The following CDH12 variants were observed in gnomAD, a reference collection of about 807,000 sequenced individuals.
CDH12 encodes cadherin 12.
Under a neutral mutation model 74.1 loss-of-function variants are expected in CDH12, and 41 were observed. The ratio of observed to expected loss-of-function variants is 0.55; its 90% CI spans 0.43 to 0.72. CDH12 has a LOEUF of 0.72. Among genes scored for constraint, CDH12 ranks in the 30% least tolerant of loss-of-function variants. CDH12 has a pLI of 0.00. For synonymous variants in CDH12, 399 were observed against 355.0 expected, an observed-to-expected ratio of 1.12 and a Z score of -1.39; for missense variants, 945 against 977.2, an observed-to-expected ratio of 0.97 and a Z score of 0.44.
intron 4 of CDH12, among the ~76,000 whole-genome samples, chr5:22,174,963 T>G (rs930105417): frequency 6.6e-6 from 1 of 152,002 alleles, no homozygotes; most frequent in Admixed American, 6.6e-5. Flanking sequence ...ATATTATTTA[T>G]TAGTCTTCCA....
At chr5:21,921,548 A>T (rs1398765771) in intron 6 of CDH12, among the ~76,000 whole-genome samples, 1 of 152,164 alleles carries the variant, frequency 6.6e-6, no homozygotes, top group Non-Finnish European at 1.5e-5. Context: ...TTACCATCCC[A>T]TCTGTATAAC....
At chr5:22,623,089 T>G (rs1400849891) in intron 1 of CDH12, among the ~76,000 whole-genome samples, 2 of 152,206 alleles carry the variant, frequency 1.3e-5, no homozygotes, top group African/African-American at 2.4e-5. Flanking sequence ...TCTCAATAGA[T>G]GCAGAAAAGG....
At chr5:21,929,418 T>C (rs550731249) in intron 6 of CDH12, among the ~76,000 whole-genome samples, 5 of 151,770 alleles carry the variant, frequency 3.3e-5, no homozygotes, top group Admixed American at 1.3e-4. Flanking sequence ...TAGATTTTCA[T>C]AAGGAGTGTA....
intron 4 of CDH12, among the ~76,000 whole-genome samples, chr5:22,182,258 T>C (rs1279726626): frequency 6.6e-6 from 1 of 152,138 alleles, no homozygotes; most frequent in East Asian, 1.9e-4. Context: ...TTTTCTAACC[T>C]AGCTTTTATC....
chr5:21,984,327 A>G (rs867338617), intron 5 of CDH12, among the ~76,000 whole-genome samples: 11 of 152,178 alleles, frequency 7.2e-5, no homozygotes, highest in Admixed American at 6.6e-5. Flanking sequence ...TATTGTTTAC[A>G]TTCTGGTCAT....
intron 8 of CDH12, among the ~76,000 whole-genome samples, chr5:21,834,739 T>A (rs1159410718): frequency 4.6e-5 from 7 of 151,968 alleles, no homozygotes; most frequent in Admixed American, 4.6e-4. Context: ...ACCATGCATT[T>A]TGTAGTCAAA....
At chr5:22,607,445 C>T (rs567209035) in intron 1 of CDH12, among the ~76,000 whole-genome samples, 2 of 152,326 alleles carry the variant, frequency 1.3e-5, no homozygotes, top group Admixed American at 6.5e-5. Context: ...AAAGGCACTG[C>T]TTCCATAGCA....
At chr5:22,566,347 C>A (rs559240045) in intron 1 of CDH12, among the ~76,000 whole-genome samples, 1 of 151,696 alleles carries the variant, frequency 6.6e-6, no homozygotes, top group African/African-American at 2.4e-5. Flanking sequence ...AAGTGATTCT[C>A]CTGCTTCAGC....
intron 1 of CDH12, among the ~76,000 whole-genome samples, chr5:22,540,529 T>G (rs1580747536): frequency 6.6e-6 from 1 of 152,274 alleles, no homozygotes; most frequent in African/African-American, 2.4e-5. Flanking sequence ...ACCAAAATCA[T>G]CATATTTTTA....
At chr5:22,514,418 T>C (rs1455696243) in intron 1 of CDH12, among the ~76,000 whole-genome samples, 2 of 151,886 alleles carry the variant, frequency 1.3e-5, no homozygotes, top group African/African-American at 4.8e-5. Context: ...GTGCTATAGA[T>C]CAAGTGACTC....
chr5:22,770,071 A>G (rs1209573304), intron 1 of CDH12, among the ~76,000 whole-genome samples: 9 of 151,558 alleles, frequency 5.9e-5, no homozygotes, highest in Admixed American at 5.3e-4. Context: ...CTATCAGGTA[A>G]TTCACAAAGT....
intron 1 of CDH12, among the ~76,000 whole-genome samples, chr5:22,576,228 G>A (rs990558405): frequency 1.3e-4 from 20 of 152,198 alleles, no homozygotes; most frequent in African/African-American, 3.9e-4. Context: ...ATGGCCATGC[G>A]CAGTCCTGCT....
chr5:22,794,049 A>G (rs1748058165), intron 1 of CDH12, among the ~76,000 whole-genome samples: 1 of 152,062 alleles, frequency 6.6e-6, no homozygotes, highest in African/African-American at 2.4e-5. Context: ...ACTCAGTCTC[A>G]CTTTCCCTAG....
chr5:22,289,860 T>G (rs1737307279), intron 3 of CDH12, among the ~76,000 whole-genome samples: 1 of 152,108 alleles, frequency 6.6e-6, no homozygotes, highest in South Asian at 2.1e-4. Flanking sequence ...AATGAATCAC[T>G]AGACATGTCC....
intron 6 of CDH12, among the ~76,000 whole-genome samples, chr5:21,932,736 T>TA (rs549992111): frequency 9.9e-5 from 15 of 151,572 alleles, no homozygotes; most frequent in Admixed American, 2.0e-4. Context: ...CCATCTGTAC[T>TA]AAAAATACAA....
chr5:22,362,579 G>A (rs1282541622), intron 3 of CDH12, among the ~76,000 whole-genome samples: 2 of 151,966 alleles, frequency 1.3e-5, no homozygotes, highest in Non-Finnish European at 2.9e-5. Context: ...TCCCATTACT[G>A]AGTATATACC....
At chr5:22,683,480 T>G (rs1741603948) in intron 1 of CDH12, among the ~76,000 whole-genome samples, 1 of 152,204 alleles carries the variant, frequency 6.6e-6, no homozygotes, top group South Asian at 2.1e-4. Context: ...CTGCAGTTTC[T>G]TCATTTCATT....
chr5:22,528,900 A>G (rs1160516662), intron 1 of CDH12, among the ~76,000 whole-genome samples: 1 of 151,980 alleles, frequency 6.6e-6, no homozygotes, highest in Non-Finnish European at 1.5e-5. Flanking sequence ...AGCAAATTCT[A>G]GAAACCCAGA....
At chr5:22,401,243 A>G (rs1742717566) in intron 3 of CDH12, among the ~76,000 whole-genome samples, 1 of 152,184 alleles carries the variant, frequency 6.6e-6, no homozygotes, top group Non-Finnish European at 1.5e-5. Flanking sequence ...TTACAGGCAC[A>G]TCTATAAATA....
Sources: gnomAD v4.1 joint callset for allele counts (sites outside exome capture counted in the v4.1 genomes callset) on GRCh38, gnomAD v4.1.1 for gene constraint, MANE v1.5 for transcripts, NCBI Gene and HGNC (gene_info 2026-07-23, HGNC 2026-07-21) for gene names.